The following BUB1 variants were observed in gnomAD, a reference collection of about 807,000 sequenced individuals.
BUB1 encodes the protein mitotic checkpoint serine/threonine-protein kinase BUB1.
A neutral mutation model predicts 135.2 loss-of-function variants in BUB1; 84 were observed. The observed-to-expected ratio is 0.62, with a 90% CI of 0.52 to 0.74. The LOEUF is 0.74. Ranked by LOEUF, BUB1 falls within the 30% of genes least tolerant of loss-of-function variation. The pLI is 0.00. For missense variants in BUB1, 1,162 were observed against 1,288.3 expected (o/e 0.90, Z 1.50); for synonymous variants, 403 against 434.4 (o/e 0.93, Z 0.90).
chr2:110,662,022 T>C, intron 9 of BUB1, 181 bp from the exon 10 acceptor site: 1 of 663,602 alleles, frequency 1.5e-6, no homozygotes, highest in Non-Finnish European at 2.5e-6. Context: ...AAAAGACCAC[T>C]CTACAAAATG....
chr2:110,640,995 C>G, intron 23 of BUB1, 39 bp downstream of exon 23: 1 of 1,514,938 alleles, frequency 6.6e-7, no homozygotes, highest in Non-Finnish European at 8.8e-7. Flanking sequence ...AAGCGCAACA[C>G]AGAAAAATAT....
Position 110,641,179 on chromosome 2 carries a change from T to C in BUB1, c.2810A>G (p.Asp937Gly), listed in dbSNP as rs1467124826. Residue 937 changes from aspartate to glycine, a missense_variant, in exon 23 of 25, where the codon GAT (aspartate) becomes GGT (glycine). Transcript: ENST00000302759. ...AATCAGTGCCAAGCCAGCAGATAAA[T>C]CATCTTCATCATCCTGTTCCAAAAA... ...NGFLEQDDED[D>G]LSAGLALIDL... The C allele has an allele frequency of 1.9e-5, 31 of 1,605,174 alleles. No homozygotes were observed. Among genetic ancestry groups the C allele is most frequent in the Admixed American group, 1.0e-4 (6 of 57,792 alleles).
chr2:110,655,591 A>T, intron 16 of BUB1, 148 bp downstream of exon 16: 1 of 768,270 alleles, frequency 1.3e-6, no homozygotes. Context: ...CAAAAATACA[A>T]TGAACAGATT....
rs1317601519 is a variant in BUB1 at position 110,650,797 on chromosome 2, A to G, written c.1965-13T>C. ...CTCTTGAATTGGACTGGACGTGTGA[A>G]AGGAATAAAGAAACCAAAACACCAC... On this transcript the variant is annotated splice_polypyrimidine_tract_variant and intron_variant, in intron 17 of 24. Coordinates refer to ENST00000302759, the MANE Select transcript of BUB1 (RefSeq NM_004336.5). 6.2e-7 allele frequency: 1 copy of G among 1,602,668 alleles called. No homozygotes were observed.
chr2:110,640,214 T>G (rs1689466640), intron 23 of BUB1, among the ~76,000 whole-genome samples: 1 of 152,100 alleles, frequency 6.6e-6, no homozygotes, highest in Non-Finnish European at 1.5e-5. Flanking sequence ...CCCCATGGCC[T>G]CTTGTTGTGT....
intron 5 of BUB1, among the ~76,000 whole-genome samples, chr2:110,670,304 A>G (rs1690386811): frequency 6.6e-6 from 1 of 151,788 alleles, no homozygotes; most frequent in African/African-American, 2.4e-5. Context: ...ACACCTGGCT[A>G]ATTTTTGTAT....
chr2:110,657,563 T>A lies in BUB1; in HGVS notation c.1599A>T (p.Gly533=). 6.2e-7 allele frequency: 1 copy of A among 1,604,822 alleles called. No individual in the cohort carries two copies. Among genetic ancestry groups the A allele is most frequent in the Non-Finnish European group, 8.5e-7 (1 of 1,175,840 alleles). The change falls in exon 14 of 25, where the codon GGA becomes GGT. Residue 533 remains glycine (G), a synonymous_variant. Coordinates refer to ENST00000302759, the MANE Select transcript of BUB1 (RefSeq NM_004336.5). The stretch of plus-strand genomic sequence containing the variant: ...TTTTTTACCCATAATTTTCTTTGTT[T>A]CCATCTTCAAACACATGAAAAGCAG... ...LSSAFHVFED[G]NKENYGLPQP... is the part of the protein sequence containing the mutation.
chr2:110,670,416 G>A (rs1322144217), intron 5 of BUB1, 109 bp downstream of exon 5: 7 of 1,277,848 alleles, frequency 5.5e-6, no homozygotes, highest in Non-Finnish European at 6.8e-6. Flanking sequence ...GGGATTACAG[G>A]TGTGAGCCAC....
chr2:110,657,016 G>T lies in BUB1; in HGVS notation c.1698+20C>A. The T allele has an allele frequency of 6.3e-7, 1 of 1,599,958 alleles. No individual in the cohort carries two copies. Among genetic ancestry groups the T allele is most frequent in the Non-Finnish European group, 8.6e-7 (1 of 1,169,202 alleles). ...GATGGGTTGTAGGACCCATTTCATAGATAAAACAGGTTTGTTTACCTTTGG... is the reference window on the plus strand; with the variant it reads ...GATGGGTTGTAGGACCCATTTCATATATAAAACAGGTTTGTTTACCTTTGG... On this transcript the variant is annotated intron_variant, in intron 15 of 24. Coordinates refer to ENST00000302759, the MANE Select transcript of BUB1 (RefSeq NM_004336.5).
At chr2:110,666,036 A>G (rs1690242820) in intron 9 of BUB1, 3 of 384,302 alleles carry the variant, frequency 7.8e-6, no homozygotes, top group African/African-American at 6.2e-5. Flanking sequence ...ATGAATATAT[A>G]GACATGTACA....
At chr2:110,646,167 CAAAAAAAAAA>C (rs1157342273) in intron 19 of BUB1, among the ~76,000 whole-genome samples, 1 of 54,740 alleles carries the variant, frequency 1.8e-5, no homozygotes, top group East Asian at 5.7e-4. Context: ...TATCTCTACC[CAAAAAAAAAA>C]AAAAAAAAAA....
chr2:110,670,463 A>C (rs2104556538), intron 5 of BUB1, 62 bp downstream of exon 5: 1 of 1,580,988 alleles, frequency 6.3e-7, no homozygotes. Flanking sequence ...AGAAAAGAAA[A>C]TACTAGTACA....
At chr2:110,647,947 G>A (rs1394621069) in intron 19 of BUB1, among the ~76,000 whole-genome samples, 1 of 152,190 alleles carries the variant, frequency 6.6e-6, no homozygotes, top group Non-Finnish European at 1.5e-5. Flanking sequence ...TTCACTGTTG[G>A]TGGGAATGCT....
intron 9 of BUB1, among the ~76,000 whole-genome samples, chr2:110,663,184 G>A (rs947957439): frequency 5.9e-5 from 9 of 152,242 alleles, no homozygotes; most frequent in South Asian, 2.1e-4. Context: ...GGAGGCTGAG[G>A]CAGGAGAATT....
chr2:110,672,883 A>G (rs1243977325), intron 3 of BUB1, 26 bp from the exon 4 acceptor site: 7 of 1,540,546 alleles, frequency 4.5e-6, no homozygotes, highest in Admixed American at 2.1e-5. Flanking sequence ...ACAAAAAGAC[A>G]TAAGAATAAT....
chr2:110,656,477 T>G (rs1440194893), intron 15 of BUB1, among the ~76,000 whole-genome samples: 1 of 152,140 alleles, frequency 6.6e-6, no homozygotes, highest in East Asian at 1.9e-4. Context: ...AGAAACTCCG[T>G]AGAATGTCCC....
intron 19 of BUB1, among the ~76,000 whole-genome samples, chr2:110,647,175 A>G (rs1265229683): frequency 6.6e-6 from 1 of 152,174 alleles, no homozygotes; most frequent in Non-Finnish European, 1.5e-5. Flanking sequence ...AATACTTCCT[A>G]TCTCATCCTA....
rs756814892 is a variant in BUB1 at position 110,658,513 on chromosome 2, G to C, written c.1413C>G (p.Ile471Met). The stretch of plus-strand genomic sequence containing the variant: ...GTGTAGGAGCCTGAAACATATTCAT[G>C]ATGAAACCTTAAAGAACAAAAAGAA... Reference protein sequence around the residue: ...TVHTKEALGFIMNMFQAPTLP... With the variant: ...TVHTKEALGFMMNMFQAPTLP... The change falls in exon 13 of 25, where the codon ATC (isoleucine) becomes ATG (methionine). Residue 471 changes from isoleucine to methionine, a missense_variant. Physicochemically the swap from Ile to Met is conservative, Grantham distance 10. Transcript: ENST00000302759. The C allele has an allele frequency of 6.8e-6, 11 of 1,613,652 alleles. No homozygotes were observed. The South Asian group carries it at 1.2e-4, about 18-fold the overall frequency.
chr2:110,652,879 T>G (rs1409798780), intron 17 of BUB1, among the ~76,000 whole-genome samples: 2 of 152,252 alleles, frequency 1.3e-5, no homozygotes, highest in East Asian at 3.8e-4. Flanking sequence ...AGAGAATTCC[T>G]GTATACTCCT....
Sources: allele counts gnomAD v4.1 joint callset (sites outside exome capture counted in the v4.1 genomes callset), GRCh38; gene constraint gnomAD v4.1.1; transcripts MANE v1.5; gene names NCBI Gene and HGNC (gene_info 2026-07-23, HGNC 2026-07-21).